EMC1: variants seen among roughly 807,000 people sequenced by gnomAD.
The protein encoded by EMC1 is ER membrane protein complex subunit 1.
Under a neutral mutation model 128.8 loss-of-function variants are expected in EMC1, and 103 were observed. The observed-to-expected ratio is 0.80, with a 90% confidence interval of 0.68 to 0.94. The LOEUF (loss-of-function observed/expected upper bound fraction) is 0.94. Ranked by LOEUF, EMC1 falls within the 40% of genes least tolerant of loss-of-function variation. The pLI, the probability that EMC1 is intolerant of heterozygous loss-of-function variation, is 0.00. For synonymous variants in EMC1, 442 were observed against 490.4 expected (o/e 0.90, Z 1.30); for missense variants, 1,083 against 1,250.6 (o/e 0.87, Z 2.02).
intron 2 of EMC1, chr1:19,244,676 T>C (rs2093623691): frequency 4.7e-6 from 2 of 422,408 alleles, no homozygotes; most frequent in East Asian, 4.7e-5. Flanking sequence ...CAATATCTTA[T>C]TTAAGGACAC....
chr1:19,221,095 T>C (rs1052068397), intron 20 of EMC1: 1 of 323,070 alleles, frequency 3.1e-6, no homozygotes, highest in Admixed American at 4.7e-5. Context: ...AATCAAGATA[T>C]GGATAATGAT....
chr1:19,232,865 A>G (rs2093534449), intron 14 of EMC1, 71 bp downstream of exon 14: 1 of 1,604,808 alleles, frequency 6.2e-7, no homozygotes, highest in South Asian at 1.1e-5. Context: ...GTTATCCCTC[A>G]CTGAAGGCTT....
At chr1:19,226,725 G>GT (rs567693639) in intron 18 of EMC1, among the ~76,000 whole-genome samples, 43 of 148,174 alleles carry the variant, frequency 2.9e-4, no homozygotes, top group South Asian at 6.4e-4. Context: ...CCAGCTAATT[G>GT]TTTTTTTTGT....
intron 17 of EMC1, 24 bp downstream of exon 17, chr1:19,230,820 T>G (rs372007732): frequency 6.0e-5 from 97 of 1,613,560 alleles, no homozygotes; most frequent in Non-Finnish European, 6.9e-5. Flanking sequence ...CCACAAAGGG[T>G]TGTGCCAGGA....
chr1:19,248,153 T>C (rs958837323), intron 1 of EMC1, among the ~76,000 whole-genome samples: 1 of 152,198 alleles, frequency 6.6e-6, no homozygotes, highest in African/African-American at 2.4e-5. Context: ...TTGATGATCC[T>C]GACCCTATTT....
chr1:19,222,934 G>T, intron 19 of EMC1, 100 bp from the exon 20 acceptor site: 1 of 839,352 alleles, frequency 1.2e-6, no homozygotes, highest in Non-Finnish European at 1.8e-6. Flanking sequence ...ACAGATCCAT[G>T]AAGGAGAACC....
intron 17 of EMC1, 102 bp downstream of exon 17, chr1:19,230,742 A>T (rs2093514780): frequency 7.0e-7 from 1 of 1,418,556 alleles, no homozygotes. Context: ...TGCTAATCTA[A>T]GTTTACAGTA....
rs770797071 is a variant in EMC1, at chr1:19,238,146, G to A, written c.1090-7C>T. The A allele has an allele frequency of 4.3e-6, 7 of 1,613,674 alleles. No individual in the cohort carries two copies. In the South Asian group the frequency reaches 4.4e-5, roughly 10 times the overall value. On this transcript the variant is annotated splice_polypyrimidine_tract_variant and splice_region_variant and intron_variant, in intron 10 of 22. Transcript: ENST00000477853. The stretch of plus-strand genomic sequence containing the variant: ...TGAAGCAAGCCAGAGAGTCCTAGGA[G>A]TACAGACAGCACGTGTCAACTACAG...
At chr1:19,231,599 G>A (rs2093522539) in intron 15 of EMC1, among the ~76,000 whole-genome samples, 177 bp from the exon 16 acceptor site, 1 of 152,184 alleles carries the variant, frequency 6.6e-6, no homozygotes, top group South Asian at 2.1e-4. Context: ...ACGTCACAAA[G>A]AAAAAAGTCA....
rs2151957458 is a variant in EMC1 at position 19,239,282 on chromosome 1, G to A, written c.975C>T (p.Ala325=). 1.9e-6 allele frequency: 3 copies of A among 1,614,118 alleles called. No individual in the cohort carries two copies. The highest frequency in any genetic ancestry group is 2.5e-6 in the Non-Finnish European group (3 of 1,179,966). The change falls in exon 9 of 23, where the codon GCC becomes GCT. Residue 325 remains alanine, a synonymous_variant. Transcript: ENST00000477853. The part of the protein sequence containing the change: ...NFPQTALVSF[A]TTGEKTVAAV... ...CAGCCACCGTCTTCTCCCCAGTGGT[G>A]GCAAAGCTCACTAGGGCAGTCTGGG...
intron 14 of EMC1, 31 bp from the exon 15 acceptor site, chr1:19,232,804 C>CTAG: frequency 6.2e-7 from 1 of 1,613,624 alleles, no homozygotes; most frequent in Non-Finnish European, 8.5e-7. Context: ...TGGCTCACTA[C>CTAG]TAGAAAGAGA....
At chr1:19,233,829 C>T (rs1357642738) in intron 13 of EMC1, among the ~76,000 whole-genome samples, 2 of 152,222 alleles carry the variant, frequency 1.3e-5, no homozygotes, top group Non-Finnish European at 1.5e-5. Flanking sequence ...GAGAAATGTA[C>T]TTCACCTTTT....
Position 19,219,285 on chromosome 1 carries a change from A to G in EMC1, c.*18T>C. 6.2e-7 allele frequency: 1 copy of G among 1,613,586 alleles called. No individual in the cohort carries two copies. Among genetic ancestry groups the G allele is most frequent in the East Asian group, 2.2e-5 (1 of 44,880 alleles). ...CACACTCCCCTGGCTCTCCACTTTT[A>G]GGCACAGTCTTTGTTCTTTATCGCC... On this transcript the variant is annotated 3_prime_UTR_variant, in exon 23 of 23. Coordinates refer to ENST00000477853, the MANE Select transcript of EMC1 (RefSeq NM_015047.3).
chr1:19,230,140 A>G (rs1194115041), intron 17 of EMC1, among the ~76,000 whole-genome samples: 1 of 152,224 alleles, frequency 6.6e-6, no homozygotes, highest in Non-Finnish European at 1.5e-5. Context: ...CCCTTTCTAG[A>G]AATAAAATTC....
At chr1:19,242,955 G>A (rs1262538537) in intron 4 of EMC1, among the ~76,000 whole-genome samples, 1 of 152,094 alleles carries the variant, frequency 6.6e-6, no homozygotes, top group Non-Finnish European at 1.5e-5. Flanking sequence ...ACAACTTTAG[G>A]GGCCAGGCCC....
chr1:19,240,583 T>C, intron 6 of EMC1, 137 bp from the exon 7 acceptor site: 1 of 923,804 alleles, frequency 1.1e-6, no homozygotes, highest in South Asian at 1.7e-5. Context: ...TGTATAGGAG[T>C]TCTTCCTGTC....
intron 17 of EMC1, among the ~76,000 whole-genome samples, chr1:19,227,893 A>C (rs2093488471): frequency 6.6e-6 from 1 of 151,934 alleles, no homozygotes; most frequent in Admixed American, 6.6e-5. Flanking sequence ...AAGAAATTTC[A>C]GAACTCTCGG....
In EMC1 at chr1:19,218,113, A is replaced by AGTGT. The variant is rs2093406278; in HGVS notation, c.*1189_*1190insACAC. The AGTGT allele has an allele frequency of 6.6e-6, 1 of 152,376 alleles. No homozygotes were observed. Among genetic ancestry groups the AGTGT allele is most frequent in the South Asian group, 2.1e-4 (1 of 4,832 alleles). The allele number at this position is 152,376 out of a possible 1,614,324, so 9.4% of individuals were successfully genotyped here. A position where few individuals can be genotyped will look rare whatever the true frequency, so the allele number is the denominator to read the frequency against. On this transcript the variant is annotated 3_prime_UTR_variant, in exon 23 of 23. Transcript: ENST00000477853. ...TGTCATTTGTCACTTGCTTTATGCA[A>AGTGT]ACATTCGAGTGTACCTCTTTCACCA...
In EMC1 at chr1:19,237,180, T is replaced by C. The variant is rs1360040739; in HGVS notation, c.1271A>G (p.Gln424Arg). 2.5e-6 allele frequency: 4 copies of C among 1,613,948 alleles called. No individual in the cohort carries two copies. The highest frequency in any genetic ancestry group is 3.4e-6 in the Non-Finnish European group (4 of 1,180,004). Residue 424 changes from glutamine (Q) to arginine (R), a missense_variant, in exon 12 of 23, where the codon CAG becomes CGG. Gln to Arg is a conservative substitution (Grantham distance 43). This residue lies in a region of EMC1 where 544 missense variants were observed against 572.4 expected (regional missense o/e 0.95). Coordinates refer to ENST00000477853, the MANE Select transcript of EMC1 (RefSeq NM_015047.3). ...GAAAAGTAGCAGATGATCCTCTGTC[T>C]GCACCAAAGCCCGGTAGCCCACTGA... Reference protein sequence around the residue: ...DDSVGYRALVQTEDHLLLFLQ... With the variant: ...DDSVGYRALVRTEDHLLLFLQ...
Sources: gnomAD v4.1 joint callset for allele counts (sites outside exome capture counted in the v4.1 genomes callset) on GRCh38, gnomAD v4.1.1 for gene constraint, gnomAD v4.1.1 regional missense constraint, MANE v1.5 for transcripts, NCBI Gene and HGNC (gene_info 2026-07-23, HGNC 2026-07-21) for gene names.